Variants in MBD5 observed in about 807,000 individuals in gnomAD.
MBD5 encodes the protein methyl-CpG-binding domain protein 5.
A neutral mutation model predicts 117.3 loss-of-function variants in MBD5; 13 were observed. The observed-to-expected ratio is 0.11, with a 90% CI of 0.07 to 0.18. MBD5 has a LOEUF of 0.18. Ranked by LOEUF, MBD5 falls within the 10% of genes least tolerant of loss-of-function variation. MBD5 has a pLI of 1.00. For synonymous variants in MBD5, 727 were observed against 766.4 expected, an observed-to-expected ratio of 0.95 and a Z score of 0.85; for missense variants, 1,879 against 2,093.8, an observed-to-expected ratio of 0.90 and a Z score of 2.00.
At chr2:148,229,375 A>G (rs1173401406) in intron 2 of MBD5, among the ~76,000 whole-genome samples, 2 of 152,118 alleles carry the variant, frequency 1.3e-5, no homozygotes, top group African/African-American at 4.8e-5. Flanking sequence ...AGCTAATCAG[A>G]TAGGATTCTG....
At chr2:148,096,152 T>C (rs911324558) in intron 1 of MBD5, among the ~76,000 whole-genome samples, 1 of 152,162 alleles carries the variant, frequency 6.6e-6, no homozygotes, top group African/African-American at 2.4e-5. Flanking sequence ...TTAAGCATTC[T>C]GGAAAAAGCT....
At chr2:148,452,261 C>T (rs1057488896) in intron 4 of MBD5, among the ~76,000 whole-genome samples, 3 of 152,050 alleles carry the variant, frequency 2.0e-5, no homozygotes, top group Non-Finnish European at 4.4e-5. Flanking sequence ...TTTGGAAGGC[C>T]AAGGCAAGAG....
chr2:148,055,876 G>T (rs1694848207), intron 1 of MBD5: 1 of 152,106 alleles, frequency 6.6e-6, no homozygotes, highest in Non-Finnish European at 1.5e-5. Context: ...CTTAATTGCT[G>T]TAAGTTTAGA....
chr2:148,326,378 T>C (rs964803938), intron 3 of MBD5, among the ~76,000 whole-genome samples: 1 of 152,178 alleles, frequency 6.6e-6, no homozygotes, highest in Non-Finnish European at 1.5e-5. Flanking sequence ...TGTGTTCAAT[T>C]CCTGGGTATC....
chr2:148,177,440 G>C (rs1698418019), intron 1 of MBD5, among the ~76,000 whole-genome samples: 1 of 152,122 alleles, frequency 6.6e-6, no homozygotes, highest in Admixed American at 6.5e-5. Flanking sequence ...GATACTAATT[G>C]CATCATGCTT....
Position 148,501,893 on chromosome 2 carries a change from A to C in MBD5, c.4963-543A>C, listed in dbSNP as rs553077744. Among the ~76,000 whole-genome samples, 41 of 152,306 alleles carry C rather than the reference A, an allele frequency of 2.7e-4. 1 individual carries two copies. In the South Asian group the frequency reaches 8.1e-3, roughly 30 times the overall value. ...TGTTCAACAAGACTTGTCACATTTTAATTTTCACAGCAGTTCTAGCAGGAA... is the reference window on the plus strand; with the variant it reads ...TGTTCAACAAGACTTGTCACATTTTCATTTTCACAGCAGTTCTAGCAGGAA... On this transcript the variant is annotated intron_variant, in intron 11 of 13. Transcript: ENST00000642680.
At chr2:148,293,493 G>A (rs2106437858) in intron 3 of MBD5, among the ~76,000 whole-genome samples, 1 of 152,184 alleles carries the variant, frequency 6.6e-6, no homozygotes, top group South Asian at 2.1e-4. Flanking sequence ...AACATCTCAT[G>A]TACCCCGTAA....
chr2:148,165,960 A>T (rs1698117667), intron 1 of MBD5, among the ~76,000 whole-genome samples: 1 of 152,178 alleles, frequency 6.6e-6, no homozygotes. Context: ...AACAGAGAAG[A>T]TTCAGCAAGT....
chr2:148,368,295 G>A (rs572639037), intron 4 of MBD5, among the ~76,000 whole-genome samples: 1 of 152,126 alleles, frequency 6.6e-6, no homozygotes, highest in South Asian at 2.1e-4. Flanking sequence ...ATGGGCACAG[G>A]GAGGGGAACA....
intron 1 of MBD5, among the ~76,000 whole-genome samples, chr2:148,036,208 A>G (rs1694190953): frequency 6.6e-6 from 1 of 152,122 alleles, no homozygotes; most frequent in South Asian, 2.1e-4. Context: ...CAGAGTGTTT[A>G]GGACCTTTTA....
At chr2:148,063,089 A>G (rs1234629910) in intron 1 of MBD5, among the ~76,000 whole-genome samples, 2 of 152,160 alleles carry the variant, frequency 1.3e-5, no homozygotes, top group Non-Finnish European at 2.9e-5. Context: ...TAATAATGAT[A>G]TCTCCTCTTG....
chr2:148,164,915 G>A (rs560006543), intron 1 of MBD5, among the ~76,000 whole-genome samples: 1 of 152,256 alleles, frequency 6.6e-6, no homozygotes, highest in South Asian at 2.1e-4. Context: ...TTATGAACTT[G>A]TGGTAATTTA....
chr2:148,374,240 TACAC>T (rs57110874), intron 4 of MBD5, among the ~76,000 whole-genome samples: 12,362 of 141,870 alleles, frequency 0.087, 1,445 homozygotes, highest in African/African-American at 0.28. Context: ...TGTTTATGCA[TACAC>T]ACACACACAC....
intron 7 of MBD5, 151 bp downstream of exon 7, chr2:148,464,070 C>A (rs888451014): frequency 1.2e-6 from 1 of 859,250 alleles, no homozygotes; most frequent in Non-Finnish European, 1.7e-6. Context: ...TTACAAATAG[C>A]AAACTAGTTC....
At chr2:148,026,385 A>T (rs897907088) in intron 1 of MBD5, 1 of 152,192 alleles carries the variant, frequency 6.6e-6, no homozygotes, top group Non-Finnish European at 1.5e-5. Flanking sequence ...AAGAAAAAAA[A>T]CCCAGTCTTT....
chr2:148,173,932 T>G (rs1378046514), intron 1 of MBD5, among the ~76,000 whole-genome samples: 2 of 152,132 alleles, frequency 1.3e-5, no homozygotes, highest in South Asian at 2.1e-4. Context: ...AGAAATAGAT[T>G]AAGAAATCCT....
intron 2 of MBD5, among the ~76,000 whole-genome samples, chr2:148,195,136 AG>A (rs1469503829): frequency 6.6e-6 from 1 of 151,654 alleles, no homozygotes; most frequent in East Asian, 1.9e-4. Flanking sequence ...GGTTAGATAT[AG>A]GGGGTAGACT....
chr2:148,315,415 A>C (rs1469812652), intron 3 of MBD5, among the ~76,000 whole-genome samples: 1 of 152,196 alleles, frequency 6.6e-6, no homozygotes, highest in Non-Finnish European at 1.5e-5. Flanking sequence ...GTTTTAATAT[A>C]AAAATAATGT....
intron 1 of MBD5, among the ~76,000 whole-genome samples, chr2:148,161,019 C>T (rs999341288): frequency 6.6e-6 from 1 of 152,186 alleles, no homozygotes; most frequent in African/African-American, 2.4e-5. Flanking sequence ...TCTACCTTTT[C>T]TTCTGTGTAC....
Sources: allele counts gnomAD v4.1 joint callset (sites outside exome capture counted in the v4.1 genomes callset), GRCh38; gene constraint gnomAD v4.1.1; transcripts MANE v1.5; gene names NCBI Gene and HGNC (gene_info 2026-07-23, HGNC 2026-07-21).